Variants in PSG5 observed in about 807,000 individuals in gnomAD.
PSG5 encodes the protein pregnancy-specific beta-1-glycoprotein 5.
PSG5 carries 53 observed loss-of-function variants against 37.7 expected under a neutral mutation model. That is an observed-to-expected ratio of 1.41 (90% CI 1.13 to 1.77). The LOEUF (loss-of-function observed/expected upper bound fraction) is 1.77. Among genes scored for constraint, PSG5 ranks in the 40% most tolerant of loss-of-function variants. PSG5 has a pLI of 0.00. For synonymous variants in PSG5, 221 were observed against 155.4 expected (o/e 1.42, Z -3.14); for missense variants, 547 against 405.2 (o/e 1.35, Z -3.00).
chr19:43,170,203 GA>G (rs1968875539), intron 4 of PSG5, 65 bp from the exon 5 acceptor site: 3 of 1,345,934 alleles, frequency 2.2e-6, no homozygotes, highest in Non-Finnish European at 3.1e-6. Flanking sequence ...GGAGCCTCAG[GA>G]AGAGGCATGT....
At chr19:43,181,261 A>G (rs1969122200) in intron 2 of PSG5, among the ~76,000 whole-genome samples, 1 of 151,670 alleles carries the variant, frequency 6.6e-6, no homozygotes, top group Non-Finnish European at 1.5e-5. Flanking sequence ...CACAACTACA[A>G]AATTTAAAAA....
chr19:43,173,115 C>G (rs965698559), intron 4 of PSG5, among the ~76,000 whole-genome samples: 2 of 151,602 alleles, frequency 1.3e-5, no homozygotes, highest in Non-Finnish European at 2.9e-5. Flanking sequence ...CAAGATCATT[C>G]AATGGGGAAC....
At chr19:43,173,257 A>G (rs1392240161) in intron 4 of PSG5, among the ~76,000 whole-genome samples, 2 of 151,686 alleles carry the variant, frequency 1.3e-5, no homozygotes, top group African/African-American at 4.9e-5. Flanking sequence ...AGTAAAAACT[A>G]CAGAACTCTT....
intron 4 of PSG5, among the ~76,000 whole-genome samples, chr19:43,171,960 T>G (rs1284059473): frequency 2.3e-5 from 3 of 129,562 alleles, no homozygotes; most frequent in Admixed American, 8.9e-5. Flanking sequence ...CTGGTCTACA[T>G]AGTGAGAGCC....
chr19:43,175,806 C>G (rs1968996012), intron 3 of PSG5, 64 bp downstream of exon 3: 1 of 1,598,686 alleles, frequency 6.3e-7, no homozygotes, highest in South Asian at 1.1e-5. Flanking sequence ...ACTGAGAGGA[C>G]TGGCTTGTGG....
chr19:43,184,185 C>T (rs1399696630), intron 2 of PSG5, among the ~76,000 whole-genome samples: 1 of 151,728 alleles, frequency 6.6e-6, no homozygotes, highest in Non-Finnish European at 1.5e-5. Context: ...GTCCTCTCCA[C>T]TCTGAGTGTC....
At chr19:43,177,437 G>C (rs1376634722) in intron 2 of PSG5, among the ~76,000 whole-genome samples, 2 of 151,458 alleles carry the variant, frequency 1.3e-5, no homozygotes, top group Admixed American at 1.3e-4. Flanking sequence ...AAATGCTCCA[G>C]TGAGCATTTC....
chr19:43,181,768 T>G (rs1014956151), intron 2 of PSG5, among the ~76,000 whole-genome samples: 2 of 151,834 alleles, frequency 1.3e-5, no homozygotes, highest in Non-Finnish European at 2.9e-5. Context: ...TGAGGGATTT[T>G]AATGAGTTGT....
At position 43,173,125 on chromosome 19, in the gene PSG5, C is replaced by G. The variant is rs1167733560; in HGVS notation, c.964+2090G>C. Among the ~76,000 whole-genome samples, 21 of 151,714 alleles carry G rather than the reference C, an allele frequency of 1.4e-4. No homozygotes were observed. The East Asian group carries it at 3.1e-3, about 22-fold the overall frequency. ...TGTTCCAAGATCATTCAATGGGGAA[C>G]GGACAGTGTTCTCACCAAATGATAT... On this transcript the variant is annotated intron_variant, in intron 4 of 5. Transcript: ENST00000342951.
intron 2 of PSG5, among the ~76,000 whole-genome samples, chr19:43,183,031 G>T (rs1381256352): frequency 1.3e-5 from 2 of 151,060 alleles, no homozygotes; most frequent in African/African-American, 2.4e-5. Flanking sequence ...AGGCCTAGGG[G>T]TGGGGGAAGA....
rs78690046 is a variant in PSG5 at position 43,175,343 on chromosome 19, A to G, written c.836T>C (p.Phe279Ser). 1.3e-3 allele frequency: 2,086 copies of G among 1,612,744 alleles called. 76 individuals are homozygous for G. In the African/African-American group the frequency reaches 0.024, roughly 19 times the overall value. ...AGAGAGCTTTTGTCCTGATTGCTGA[A>G]ACTTCCCATTAATTGTCCAAAAATA... is the stretch of plus-strand genomic sequence containing the variant. ...AEYFWTINGKFQQSGQKLSIP... is the reference protein window; with the variant it reads ...AEYFWTINGKSQQSGQKLSIP... Residue 279 changes from phenylalanine (F) to serine (S), a missense_variant, in exon 4 of 6, where the codon TTT (phenylalanine) becomes TCT (serine). By Grantham distance (155) the Phe-to-Ser change is radical. Transcript: ENST00000342951.
intron 5 of PSG5, among the ~76,000 whole-genome samples, chr19:43,168,736 C>A (rs547668274): frequency 6.6e-6 from 1 of 151,650 alleles, no homozygotes; most frequent in East Asian, 1.9e-4. Context: ...CTCACTTATC[C>A]TTTATTTGAA....
chr19:43,185,924 A>C (rs1006880608), intron 1 of PSG5, among the ~76,000 whole-genome samples: 3 of 145,396 alleles, frequency 2.1e-5, no homozygotes, highest in African/African-American at 7.7e-5. Flanking sequence ...GGTGTATTTT[A>C]CCCTATCCAG....
intron 4 of PSG5, among the ~76,000 whole-genome samples, chr19:43,173,571 A>C (rs892792055): frequency 2.0e-5 from 3 of 151,656 alleles, no homozygotes; most frequent in African/African-American, 7.3e-5. Context: ...TCCAAGGAAG[A>C]TATACAAATA....
At chr19:43,175,662 C>T in intron 3 of PSG5, 193 bp from the exon 4 acceptor site, 1 of 1,385,424 alleles carries the variant, frequency 7.2e-7, no homozygotes, top group Non-Finnish European at 9.7e-7. Context: ...GACACAAAGT[C>T]TCCCATGACA....
chr19:43,184,997 A>G lies in PSG5; in HGVS notation c.215T>C (p.Leu72Pro), dbSNP rs1391769918. Residue 72 changes from leucine (L) to proline (P), a missense_variant, in exon 2 of 6, where the codon CTG (leucine) becomes CCG (proline). Physicochemically the swap from Leu to Pro is moderately conservative, Grantham distance 98. Coordinates refer to ENST00000342951, the MANE Select transcript of PSG5 (RefSeq NM_002781.4). ...TGTAATGTAATGGTAGAGGTCCATCAGTTGTCCTTTGTACCAGATGTAGCC... is the reference window on the plus strand; with the variant it reads ...TGTAATGTAATGGTAGAGGTCCATCGGTTGTCCTTTGTACCAGATGTAGCC... ...LAGYIWYKGQLMDLYHYITSY... is the reference protein window; with the variant it reads ...LAGYIWYKGQPMDLYHYITSY... 12 of 1,612,620 alleles carry G rather than the reference A, an allele frequency of 7.4e-6. No individual in the cohort carries two copies. The East Asian group carries it at 2.0e-4, about 27-fold the overall frequency.
At chr19:43,170,421 C>T (rs1968881375) in intron 4 of PSG5, 1 of 459,090 alleles carries the variant, frequency 2.2e-6, no homozygotes, top group South Asian at 2.0e-5. Flanking sequence ...TTTTCTATGT[C>T]ATTAGAACTT....
intron 3 of PSG5, 156 bp downstream of exon 3, chr19:43,175,714 T>C: frequency 1.1e-5 from 16 of 1,461,002 alleles, no homozygotes; most frequent in Non-Finnish European, 1.5e-5. Context: ...AGGCTGTGCC[T>C]ACCTAGGTTT....
chr19:43,180,716 A>T (rs1273605228), intron 2 of PSG5: 1 of 151,590 alleles, frequency 6.6e-6, no homozygotes, highest in Non-Finnish European at 1.5e-5. Context: ...AGACCAAAAT[A>T]AGGTTTAGGT....
Sources: gnomAD v4.1 joint callset for allele counts (sites outside exome capture counted in the v4.1 genomes callset) on GRCh38, gnomAD v4.1.1 for gene constraint, MANE v1.5 for transcripts, NCBI Gene and HGNC (gene_info 2026-07-23, HGNC 2026-07-21) for gene names.